Variants in NFIX observed in about 807,000 individuals in gnomAD.
NFIX encodes nuclear factor I X.
Under a neutral mutation model 53.3 loss-of-function variants are expected in NFIX, and 2 were observed. That is an observed-to-expected ratio of 0.04 (90% confidence interval 0.02 to 0.12). The LOEUF (loss-of-function observed/expected upper bound fraction) is 0.12, where lower values mean the gene tolerates loss of function less well. Among genes scored for constraint, NFIX ranks in the 10% least tolerant of loss-of-function variants. The pLI is 1.00. For missense variants in NFIX, 310 were observed against 674.5 expected (o/e 0.46, Z 5.99); for synonymous variants, 244 against 289.0 (o/e 0.84, Z 1.58).
chr19:13,012,604 G>C lies in NFIX; in HGVS notation c.28-12417G>C, dbSNP rs150472441. ...GTCCCCCAGGCGCGCGGGGGTTGGG[G>C]GTTCAGGGCCGCCTGTGCCTCAGTT... On this transcript the variant is annotated intron_variant, in intron 1 of 10. Coordinates refer to ENST00000592199, the MANE Select transcript of NFIX (RefSeq NM_001365902.3). The surrounding 1 kb of genome is among the most constrained non-coding windows in gnomAD (Gnocchi z 5.0). Among the ~76,000 whole-genome samples the C allele has an allele frequency of 6.6e-6, 1 of 152,346 alleles. No homozygotes were observed. The highest frequency in any genetic ancestry group is 1.5e-5 in the Non-Finnish European group (1 of 68,040).
chr19:13,073,868 C>T lies in NFIX; in HGVS notation c.698-38C>T. The stretch of plus-strand genomic sequence containing the variant: ...AGAAACAGACCCCATCAGGCCTCCC[C>T]CCACCTCCAAACCTCATCACCCTCT... On this transcript the variant is annotated intron_variant, in intron 4 of 10. Transcript: ENST00000592199. This position sits in a 1 kb window ranked among gnomAD's most constrained non-coding sequence, Gnocchi z 4.5. The T allele has an allele frequency of 4.3e-6, 7 of 1,613,762 alleles. No homozygotes were observed. The highest frequency in any genetic ancestry group is 3.3e-5 in the South Asian group (3 of 91,050).
chr19:13,009,407 C>T lies in NFIX; in HGVS notation c.27+13543C>T, dbSNP rs941464099. Among the ~76,000 whole-genome samples the T allele has an allele frequency of 6.6e-6, 1 of 152,154 alleles. No homozygotes were observed. The highest frequency in any genetic ancestry group is 1.5e-5 in the Non-Finnish European group (1 of 68,020). ...GTTTTACAGATGAGGAAACAGAGGC[C>T]GCAAGGTCAAGTGCCAAGGTCATGG... On this transcript the variant is annotated intron_variant, in intron 1 of 10. Coordinates refer to ENST00000592199, the MANE Select transcript of NFIX (RefSeq NM_001365902.3). This position sits in a 1 kb window ranked among gnomAD's most constrained non-coding sequence, Gnocchi z 4.7.
chr19:13,092,831 T>C (rs2018225786), intron 10 of NFIX, among the ~76,000 whole-genome samples: 2 of 152,212 alleles, frequency 1.3e-5, no homozygotes, highest in African/African-American at 4.8e-5. Context: ...TGGGGATGCC[T>C]CAGGCCTGGG....
rs2145250280 is a variant in NFIX, at chr19:13,037,832, T to C, written c.559+12280T>C. ...TTGTGGGGGGAGGGTGCTATTGGAA[T>C]CTAGTGGGAAGAGTCTACTGCATAT... On this transcript the variant is annotated intron_variant, in intron 2 of 10. Transcript: ENST00000592199. This position sits in a 1 kb window ranked among gnomAD's most constrained non-coding sequence, Gnocchi z 4.2. 6.6e-6 allele frequency among the ~76,000 whole-genome samples: 1 copy of C among 152,192 alleles called. No individual in the cohort carries two copies. The highest frequency in any genetic ancestry group is 1.9e-4 in the East Asian group (1 of 5,176).
In NFIX at chr19:13,028,275, G is replaced by A. The variant is rs2013528012; in HGVS notation, c.559+2723G>A. ...ATGATAAACTGGGGACAGGGGCCGG[G>A]ATGGCACAGGCTCAGACAAGAGCTG... On this transcript the variant is annotated intron_variant, in intron 2 of 10. Coordinates refer to ENST00000592199, the MANE Select transcript of NFIX (RefSeq NM_001365902.3). This position sits in a 1 kb window ranked among gnomAD's most constrained non-coding sequence, Gnocchi z 4.2. Among the ~76,000 whole-genome samples the A allele has an allele frequency of 6.6e-6, 1 of 152,230 alleles. No individual in the cohort carries two copies. The highest frequency in any genetic ancestry group is 2.1e-4 in the South Asian group (1 of 4,830).
chr19:13,023,954 A>ACCCCCC, intron 1 of NFIX: 1 of 170,320 alleles, frequency 5.9e-6, no homozygotes, highest in Non-Finnish European at 9.6e-6. Context: ...CCCTCCCCCC[A>ACCCCCC]CCCGCCCCCA....
Position 13,045,669 on chromosome 19 carries a change from G to T in NFIX, c.559+20117G>T, listed in dbSNP as rs961582116. Among the ~76,000 whole-genome samples the T allele has an allele frequency of 6.6e-6, 1 of 152,176 alleles. No individual in the cohort carries two copies. The highest frequency in any genetic ancestry group is 1.5e-5 in the Non-Finnish European group (1 of 68,018). The stretch of plus-strand genomic sequence containing the variant: ...AGGAGAGAGGGGCAGCAGGCACACT[G>T]GGTTGACAACTGCACTGTGTTGACC... On this transcript the variant is annotated intron_variant, in intron 2 of 10. Transcript: ENST00000592199. This position sits in a 1 kb window ranked among gnomAD's most constrained non-coding sequence, Gnocchi z 4.4.
Position 13,021,107 on chromosome 19 carries a change from C to A in NFIX, c.28-3914C>A, listed in dbSNP as rs919313179. On this transcript the variant is annotated intron_variant, in intron 1 of 10. Transcript: ENST00000592199. This position sits in a 1 kb window ranked among gnomAD's most constrained non-coding sequence, Gnocchi z 4.2. Reference sequence around the variant, plus strand: ...CACTTGTAGTTTTTAATGACCTCATCTTGACTTTAGAAGGTAAAATTGTTT... The same window carrying A: ...CACTTGTAGTTTTTAATGACCTCATATTGACTTTAGAAGGTAAAATTGTTT... Among the ~76,000 whole-genome samples the A allele has an allele frequency of 4.6e-5, 7 of 152,284 alleles. No individual in the cohort carries two copies. The South Asian group carries it at 6.2e-4, about 14-fold the overall frequency.
In NFIX at chr19:13,002,236, C is replaced by G. The variant is rs2145133325; in HGVS notation, c.27+6372C>G. ...TTCCTCCCTCTCTCCTCCCCTCCTC[C>G]CCTCCTCCCGCTCCCTCTCTCCCTC... is the stretch of plus-strand genomic sequence containing the variant. On this transcript the variant is annotated intron_variant, in intron 1 of 10. Transcript: ENST00000592199. The surrounding 1 kb of genome is among the most constrained non-coding windows in gnomAD (Gnocchi z 6.1). 6.6e-6 allele frequency among the ~76,000 whole-genome samples: 1 copy of G among 152,036 alleles called. No individual in the cohort carries two copies. Among genetic ancestry groups the G allele is most frequent in the South Asian group, 2.1e-4 (1 of 4,814 alleles).
At position 13,095,933 on chromosome 19, in the gene NFIX, T is replaced by G. The variant is rs1568340747; in HGVS notation, c.*1284T>G. 6.6e-6 allele frequency: 1 copy of G among 152,128 alleles called. No individual in the cohort carries two copies. Among genetic ancestry groups the G allele is most frequent in the Non-Finnish European group, 1.5e-5 (1 of 68,022 alleles). 9.4% of individuals were successfully genotyped at this position (152,128 alleles called of 1,614,324 possible). Reference sequence around the variant, plus strand: ...ATTCATTGTTTGGGTCTTTTGCTGTTGGAATGGGAACTCCTCCTCCATTTG... The same window carrying G: ...ATTCATTGTTTGGGTCTTTTGCTGTGGGAATGGGAACTCCTCCTCCATTTG... On this transcript the variant is annotated 3_prime_UTR_variant, in exon 11 of 11. Coordinates refer to ENST00000592199, the MANE Select transcript of NFIX (RefSeq NM_001365902.3).
rs966277784 is a variant in NFIX, at chr19:13,090,585, C to T, written c.1494+195C>T. ...CCCAGGCAGCCCCCAGGCTCCCTGGCTAATCAGCTAATTGGATAATTAGCT... is the reference window on the plus strand; with the variant it reads ...CCCAGGCAGCCCCCAGGCTCCCTGGTTAATCAGCTAATTGGATAATTAGCT... On this transcript the variant is annotated intron_variant, in intron 10 of 10. Transcript: ENST00000592199. The surrounding 1 kb of genome is among the most constrained non-coding windows in gnomAD (Gnocchi z 6.6). Among the ~76,000 whole-genome samples, 1 of 152,220 alleles carries T rather than the reference C, an allele frequency of 6.6e-6. No homozygotes were observed. Among genetic ancestry groups the T allele is most frequent in the Non-Finnish European group, 1.5e-5 (1 of 68,036 alleles).
chr19:13,061,581 C>G (rs901458778), intron 2 of NFIX, among the ~76,000 whole-genome samples: 1 of 152,018 alleles, frequency 6.6e-6, no homozygotes, highest in African/African-American at 2.4e-5. Flanking sequence ...GCGCTTCGCT[C>G]CCTGAACCGC....
chr19:13,083,605 A>G (rs1378081105), intron 8 of NFIX, among the ~76,000 whole-genome samples: 1 of 152,226 alleles, frequency 6.6e-6, no homozygotes, highest in African/African-American at 2.4e-5. Context: ...TTCCTGAGGC[A>G]GGCACTTGCT....
At position 13,075,647 on chromosome 19, in the gene NFIX, G is replaced by A. The variant is rs774560353; in HGVS notation, c.931G>A (p.Gly311Arg). The change falls in exon 6 of 11, where the codon GGG becomes AGG. Residue 311 changes from glycine (G) to arginine (R), a missense_variant. Physicochemically the swap from Gly to Arg is moderately radical, Grantham distance 125. Coordinates refer to ENST00000592199, the MANE Select transcript of NFIX (RefSeq NM_001365902.3). ...AGCAGCTGGCAGCAGCCAGTCCAGCGGGTGGCCCAACGATGTGGATGCAGG... is the reference window on the plus strand; with the variant it reads ...AGCAGCTGGCAGCAGCCAGTCCAGCAGGTGGCCCAACGATGTGGATGCAGG... The part of the protein sequence containing the change: ...SPAAGSSQSS[G>R]WPNDVDAGPA... 2 of 1,613,640 alleles carry A rather than the reference G, an allele frequency of 1.2e-6. No homozygotes were observed. The highest frequency in any genetic ancestry group is 1.7e-6 in the Non-Finnish European group (2 of 1,179,768).
chr19:13,039,595 T>A (rs1219191062), intron 2 of NFIX, among the ~76,000 whole-genome samples: 1 of 152,112 alleles, frequency 6.6e-6, no homozygotes, highest in Non-Finnish European at 1.5e-5. Flanking sequence ...ACATGTCTTG[T>A]CACGAAAACA....
rs1190521754 is a variant in NFIX, at chr19:12,996,065, G to A, written c.27+201G>A. Among the ~76,000 whole-genome samples the A allele has an allele frequency of 6.6e-6, 1 of 151,542 alleles. No homozygotes were observed. Among genetic ancestry groups the A allele is most frequent in the Non-Finnish European group, 1.5e-5 (1 of 67,806 alleles). On this transcript the variant is annotated intron_variant, in intron 1 of 10. Transcript: ENST00000592199. The surrounding 1 kb of genome is among the most constrained non-coding windows in gnomAD (Gnocchi z 5.2). ...GCGCGTGCGACCCTGGCCACCGGGCGGACTCCTTTTGGGGGTTCCGGGGGT... is the reference window on the plus strand; with the variant it reads ...GCGCGTGCGACCCTGGCCACCGGGCAGACTCCTTTTGGGGGTTCCGGGGGT...
At chr19:13,015,132 CTTG>C (rs990596380) in intron 1 of NFIX, among the ~76,000 whole-genome samples, 1 of 152,030 alleles carries the variant, frequency 6.6e-6, no homozygotes, top group Non-Finnish European at 1.5e-5. Context: ...TTTTATTTTC[CTTG>C]TTATTTGGTC....
chr19:13,090,202 A>T lies in NFIX; in HGVS notation c.1403-97A>T. On this transcript the variant is annotated intron_variant, in intron 9 of 10. Coordinates refer to ENST00000592199, the MANE Select transcript of NFIX (RefSeq NM_001365902.3). The surrounding 1 kb of genome is among the most constrained non-coding windows in gnomAD (Gnocchi z 6.6). The stretch of plus-strand genomic sequence containing the variant: ...GCCTAAACTCGGGCAGCATGGTCTA[A>T]CTCAGTCTCTCCCTCTCTCAGCAGC... 1 of 1,156,238 alleles carries T rather than the reference A, an allele frequency of 8.6e-7. No individual in the cohort carries two copies. The highest frequency in any genetic ancestry group is 1.3e-6 in the Non-Finnish European group (1 of 766,764). The allele number at this position is 1,156,238 out of a possible 1,614,324, so 71.6% of individuals were successfully genotyped here.
At chr19:13,075,763 G>T (rs2017062559) in intron 6 of NFIX, 92 bp downstream of exon 6, 19 of 1,460,452 alleles carry the variant, frequency 1.3e-5, no homozygotes, top group Non-Finnish European at 1.8e-5. Context: ...CCCACCAGTT[G>T]TCCCCCTGTC....
Sources: allele counts gnomAD v4.1 joint callset (sites outside exome capture counted in the v4.1 genomes callset), GRCh38; gene constraint gnomAD v4.1.1; non-coding constraint Gnocchi (gnomAD v3.1); transcripts MANE v1.5; gene names NCBI Gene and HGNC (gene_info 2026-07-23, HGNC 2026-07-21).